Variants in PRCP observed in about 807,000 individuals in gnomAD.
PRCP encodes the protein prolylcarboxypeptidase.
Under a neutral mutation model 54.2 loss-of-function variants are expected in PRCP, and 46 were observed. The observed-to-expected ratio is 0.85, with a 90% CI of 0.67 to 1.09. PRCP has a LOEUF of 1.09. Ranked by LOEUF, PRCP falls within the 50% of genes least tolerant of loss-of-function variation. The probability of loss-of-function intolerance (pLI) is 0.00; values close to 1 mark genes in which losing one functional copy is unlikely to be tolerated. For missense variants in PRCP, 613 were observed against 596.8 expected (o/e 1.03, Z -0.28); for synonymous variants, 240 against 212.2 (o/e 1.13, Z -1.14).
At chr11:82,851,115 C>T (rs1340072667) in intron 3 of PRCP, among the ~76,000 whole-genome samples, 1 of 152,166 alleles carries the variant, frequency 6.6e-6, no homozygotes, top group East Asian at 1.9e-4. Flanking sequence ...CATAAACATC[C>T]TGCTCTCTAC....
Position 82,900,388 on chromosome 11 carries a change from G to C in PRCP, c.15C>G (p.Ala5=), listed in dbSNP as rs1860247093. The change falls in exon 1 of 9, where the codon GCC becomes GCG. Residue 5 remains alanine (A), a synonymous_variant. Coordinates refer to ENST00000313010, the MANE Select transcript of PRCP (RefSeq NM_005040.4). MGRR[A]LLLLLLSFLA... ...GAAAAGACAGAAGCAGGAGCAGGAG[G>C]GCTCGGCGGCCCATGGCTCAGGCTG... 6.2e-7 allele frequency: 1 copy of C among 1,613,568 alleles called. No homozygotes were observed. The highest frequency in any genetic ancestry group is 1.3e-5 in the African/African-American group (1 of 74,942).
upstream of PRCP, chr11:82,900,959 C>G (rs1860274480): frequency 2.3e-6 from 1 of 428,412 alleles, no homozygotes; most frequent in South Asian, 1.7e-5. Flanking sequence ...CTAACTAAAT[C>G]GTCACAGCAA....
At chr11:82,850,937 G>A (rs7925208) in intron 3 of PRCP, among the ~76,000 whole-genome samples, 78,804 of 151,522 alleles carry the variant, frequency 0.52, 21,390 homozygotes, top group African/African-American at 0.68. Flanking sequence ...CTTCTTCATC[G>A]GAAAGATTAT....
chr11:82,899,003 T>A (rs947011336), intron 1 of PRCP, among the ~76,000 whole-genome samples: 49 of 146,794 alleles, frequency 3.3e-4, no homozygotes, highest in African/African-American at 7.8e-4. Context: ...AAAAAATTTT[T>A]AAATTATTTC....
rs1300604914 is a variant in PRCP, at chr11:82,823,460, T to A, written c.*1446A>T. On this transcript the variant is annotated 3_prime_UTR_variant, in exon 9 of 9. Coordinates refer to ENST00000313010, the MANE Select transcript of PRCP (RefSeq NM_005040.4). ...AAGGCTCCCAAAATAAGACAAAGAT[T>A]TTCCTGTATCTCCCAGATGCCAGGG... The A allele has an allele frequency of 6.6e-6, 1 of 152,124 alleles. No homozygotes were observed. The highest frequency in any genetic ancestry group is 2.4e-5 in the African/African-American group (1 of 41,426). The allele number at this position is 152,124 out of a possible 1,614,324, so 9.4% of individuals were successfully genotyped here. A position where few individuals can be genotyped will look rare whatever the true frequency, so the allele number is the denominator to read the frequency against.
chr11:82,876,566 A>G (rs529398864), intron 1 of PRCP, among the ~76,000 whole-genome samples: 5 of 152,272 alleles, frequency 3.3e-5, no homozygotes, highest in Admixed American at 1.3e-4. Context: ...CATGGGGGCC[A>G]GTCTTTCTTG....
chr11:82,879,888 C>T (rs757246245), intron 1 of PRCP, among the ~76,000 whole-genome samples: 14 of 152,200 alleles, frequency 9.2e-5, no homozygotes, highest in Non-Finnish European at 1.8e-4. Flanking sequence ...CCTGATCCTT[C>T]CTCTGGAAGC....
chr11:82,827,699 C>T (rs1858272414), intron 8 of PRCP: 2 of 152,068 alleles, frequency 1.3e-5, no homozygotes, highest in Admixed American at 6.6e-5. Context: ...GTGAGTTCTT[C>T]AAGTTCGTTC....
intron 1 of PRCP, among the ~76,000 whole-genome samples, chr11:82,883,178 A>C (rs1452356822): frequency 2.6e-5 from 4 of 152,202 alleles, no homozygotes; most frequent in Admixed American, 6.5e-5. Context: ...TAAATAAAGC[A>C]ATGCGATCCA....
intron 1 of PRCP, among the ~76,000 whole-genome samples, chr11:82,879,866 C>A (rs892330315): frequency 6.6e-6 from 1 of 152,202 alleles, no homozygotes; most frequent in Non-Finnish European, 1.5e-5. Context: ...TGCAGAATGG[C>A]AAATGTTGCT....
intron 7 of PRCP, 101 bp downstream of exon 7, chr11:82,839,160 T>A: frequency 7.8e-7 from 1 of 1,274,552 alleles, no homozygotes; most frequent in Non-Finnish European, 1.1e-6. Context: ...CAAAACTGGA[T>A]CCAGGTTAGG....
Position 82,870,212 on chromosome 11 carries a change from T to C in PRCP, c.169-10095A>G, listed in dbSNP as rs916875586. Among the ~76,000 whole-genome samples the C allele has an allele frequency of 5.3e-5, 8 of 152,250 alleles. No individual in the cohort carries two copies. The East Asian group carries it at 1.2e-3, about 22-fold the overall frequency. On this transcript the variant is annotated intron_variant, in intron 1 of 8. Coordinates refer to ENST00000313010, the MANE Select transcript of PRCP (RefSeq NM_005040.4). ...CAACATAGCAGCTCGTTCAGCAGCA[T>C]ACTAGTGTTTGGTGAATCCACATGT...
chr11:82,900,611 C>G (rs571381997), upstream of PRCP: 447 of 708,338 alleles, frequency 6.3e-4, 1 homozygote, highest in Non-Finnish European at 1.0e-3. Flanking sequence ...ACCGCCTCCA[C>G]TCCACTTTCC....
In PRCP at chr11:82,861,308, T is replaced by C. The variant is rs150675797; in HGVS notation, c.169-1191A>G. 3.9e-3 allele frequency among the ~76,000 whole-genome samples: 598 copies of C among 152,310 alleles called. 4 individuals carry two copies. The highest frequency in any genetic ancestry group is 0.01 in the Middle Eastern group (3 of 294). On this transcript the variant is annotated intron_variant, in intron 1 of 8. Coordinates refer to ENST00000313010, the MANE Select transcript of PRCP (RefSeq NM_005040.4). The stretch of plus-strand genomic sequence containing the variant: ...TGTGGAAGGAATGACAGAATTAGAA[T>C]ATGACAGTTCTGTAAAGTTACTGAT...
At chr11:82,877,771 T>C (rs1859642558) in intron 1 of PRCP, among the ~76,000 whole-genome samples, 1 of 151,798 alleles carries the variant, frequency 6.6e-6, no homozygotes, top group Non-Finnish European at 1.5e-5. Context: ...TAGGACAGGG[T>C]AGAAGGGAAT....
chr11:82,888,437 T>C (rs1442915406), intron 1 of PRCP, among the ~76,000 whole-genome samples: 2 of 152,132 alleles, frequency 1.3e-5, no homozygotes, highest in African/African-American at 4.8e-5. Context: ...CACTTGCAAA[T>C]GAAAAACCGA....
At chr11:82,830,764 A>G (rs1390539487) in intron 8 of PRCP, 1 of 151,870 alleles carries the variant, frequency 6.6e-6, no homozygotes, top group Non-Finnish European at 1.5e-5. Flanking sequence ...AAAGTAAACT[A>G]CATAAGGAGT....
At chr11:82,842,804 A>T (rs1424389424) in intron 6 of PRCP, among the ~76,000 whole-genome samples, 3 of 152,172 alleles carry the variant, frequency 2.0e-5, no homozygotes, top group Admixed American at 6.5e-5. Flanking sequence ...CAAATTTAAT[A>T]TGGAAATTTT....
At chr11:82,874,321 G>A (rs1240628167) in intron 1 of PRCP, among the ~76,000 whole-genome samples, 1 of 152,140 alleles carries the variant, frequency 6.6e-6, no homozygotes, top group African/African-American at 2.4e-5. Flanking sequence ...CCCGCACAGG[G>A]CTTATAGTCT....
Sources: allele counts gnomAD v4.1 joint callset (sites outside exome capture counted in the v4.1 genomes callset), GRCh38; gene constraint gnomAD v4.1.1; transcripts MANE v1.5; gene names NCBI Gene and HGNC (gene_info 2026-07-23, HGNC 2026-07-21).